The following RUNDC3A variants were observed in gnomAD, a reference collection of about 807,000 sequenced individuals.
The protein encoded by RUNDC3A is RUN domain-containing protein 3A.
Under a neutral mutation model 53.9 loss-of-function variants are expected in RUNDC3A, and 28 were observed. That is an observed-to-expected ratio of 0.52 (90% confidence interval 0.38 to 0.71). The LOEUF (loss-of-function observed/expected upper bound fraction) is 0.71, where lower values mean the gene tolerates loss of function less well. Among genes scored for constraint, RUNDC3A ranks in the 30% least tolerant of loss-of-function variants. The pLI, the probability that RUNDC3A is intolerant of heterozygous loss-of-function variation, is 0.00. For missense variants in RUNDC3A, 491 were observed against 597.3 expected, an observed-to-expected ratio of 0.82 and a Z score of 1.85; for synonymous variants, 232 against 249.4, an observed-to-expected ratio of 0.93 and a Z score of 0.66.
chr17:44,317,376 C>T lies in RUNDC3A; in HGVS notation c.1198+651C>T, dbSNP rs1236121839. On this transcript the variant is annotated intron_variant, in intron 10 of 10. Coordinates refer to ENST00000426726, the MANE Select transcript of RUNDC3A (RefSeq NM_001144825.2). ...TGGTTTTTTAGTGTCATGACATCCTCGGGGGCTCACAAACTCTCGGGGAAC... is the reference window on the plus strand; with the variant it reads ...TGGTTTTTTAGTGTCATGACATCCTTGGGGGCTCACAAACTCTCGGGGAAC... 51 of 757,246 alleles carry T rather than the reference C, an allele frequency of 6.7e-5. 1 individual carries two copies. The highest frequency in any genetic ancestry group is 5.8e-4 in the Admixed American group (32 of 55,404). 46.9% of individuals were successfully genotyped at this position (757,246 alleles called of 1,614,324 possible). A position where few individuals can be genotyped will look rare whatever the true frequency, so the allele number is the denominator to read the frequency against.
At chr17:44,310,940 C>T (rs762233504) in intron 1 of RUNDC3A, 25 of 985,544 alleles carry the variant, frequency 2.5e-5, no homozygotes, top group Middle Eastern at 1.0e-3. Context: ...CCGCTCCTCA[C>T]CATCCCTGCC....
At chr17:44,314,395 G>T in intron 4 of RUNDC3A, 1 of 1,146,200 alleles carries the variant, frequency 8.7e-7, no homozygotes, top group Non-Finnish European at 1.1e-6. Flanking sequence ...CAGTCTACAC[G>T]TTTCAAGTTA....
chr17:44,309,016 C>A (rs1470527692), intron 1 of RUNDC3A, 77 bp downstream of exon 1: 1 of 994,966 alleles, frequency 1.0e-6, no homozygotes, highest in Non-Finnish European at 1.5e-6. Context: ...CCGGACTGAG[C>A]GCTGCCGCGG....
intron 1 of RUNDC3A, chr17:44,310,933 C>T (rs925520641): frequency 2.1e-4 from 206 of 985,486 alleles, no homozygotes; most frequent in Non-Finnish European, 2.3e-4. Context: ...CACGACCCCG[C>T]TCCTCACCAT....
chr17:44,315,375 A>C lies in RUNDC3A; in HGVS notation c.795+55A>C. The C allele has an allele frequency of 1.7e-6, 2 of 1,195,756 alleles. No homozygotes were observed. The highest frequency in any genetic ancestry group is 2.1e-6 in the Non-Finnish European group (2 of 951,290). 74.1% of individuals were successfully genotyped at this position (1,195,756 alleles called of 1,614,324 possible). A position where few individuals can be genotyped will look rare whatever the true frequency, so the allele number is the denominator to read the frequency against. ...GGCGGGCCGGGCGGGGGATCCGGGC[A>C]TCCCGGGGCGGGGCGGGGATGGGGG... On this transcript the variant is annotated intron_variant, in intron 7 of 10. Transcript: ENST00000426726. The surrounding 1 kb of genome is among the most constrained non-coding windows in gnomAD (Gnocchi z 6.1).
At chr17:44,314,679 G>GA (rs1414203483) in intron 4 of RUNDC3A, 56 bp from the exon 5 acceptor site, 6 of 1,308,512 alleles carry the variant, frequency 4.6e-6, no homozygotes, top group South Asian at 1.4e-5. Flanking sequence ...AGCTCTGGGG[G>GA]GGGGGGGGGC....
chr17:44,317,872 G>A (rs113221336), intron 10 of RUNDC3A: 48 of 593,488 alleles, frequency 8.1e-5, no homozygotes, highest in Middle Eastern at 4.0e-4. Flanking sequence ...TGACCCTCAC[G>A]GGGAGACAGA....
intron 10 of RUNDC3A, chr17:44,317,422 T>TATCTC (rs1052225443): frequency 1.4e-5 from 11 of 780,514 alleles, no homozygotes; most frequent in African/African-American, 1.4e-4. Context: ...AATTTGCTCT[T>TATCTC]ATCTCATGCA....
Position 44,308,653 on chromosome 17 carries a change from CA to C in RUNDC3A, c.-179del. 1 of 468,724 alleles carries C rather than the reference CA, an allele frequency of 2.1e-6. No individual in the cohort carries two copies. The highest frequency in any genetic ancestry group is 3.5e-5 in the East Asian group (1 of 28,774). The allele number at this position is 468,724 out of a possible 1,614,324, so 29.0% of individuals were successfully genotyped here. A position where few individuals can be genotyped will look rare whatever the true frequency, so the allele number is the denominator to read the frequency against. On this transcript the variant is annotated 5_prime_UTR_variant, in exon 1 of 11. Transcript: ENST00000426726. ...CCTCCCCGGCCTTGTTTTGCTCTGGCATCGCCGCCGGGGGAGGGAGCGAGGG... is the reference window on the plus strand; with the variant it reads ...CCTCCCCGGCCTTGTTTTGCTCTGGCTCGCCGCCGGGGGAGGGAGCGAGGG...
At chr17:44,314,849 T>C in intron 5 of RUNDC3A, 25 bp downstream of exon 5, 1 of 1,613,836 alleles carries the variant, frequency 6.2e-7, no homozygotes, top group Non-Finnish European at 8.5e-7. Context: ...ACGGCAGTGG[T>C]GGAGGGGGCT....
At chr17:44,312,962 G>T in intron 2 of RUNDC3A, 142 bp from the exon 3 acceptor site, 1 of 869,104 alleles carries the variant, frequency 1.2e-6, no homozygotes. Flanking sequence ...CGATATGCTG[G>T]GGTGCCCACT....
intron 10 of RUNDC3A, chr17:44,317,409 A>G (rs2144700224): frequency 1.0e-5 from 8 of 779,590 alleles, no homozygotes; most frequent in Non-Finnish European, 1.7e-5. Context: ...AACTCCTTAG[A>G]CTAATTTGCT....
rs772986760 is a variant in RUNDC3A, at chr17:44,315,029, C to A, written c.629+20C>A. The A allele has an allele frequency of 1.2e-6, 2 of 1,613,150 alleles. No individual in the cohort carries two copies. The highest frequency in any genetic ancestry group is 1.7e-6 in the Non-Finnish European group (2 of 1,179,680). ...GCAGAGGTGAGCGGCTCCATGACTG[C>A]GGCGGGGCGGGGGACGGGGCCTCGG... On this transcript the variant is annotated intron_variant, in intron 6 of 10. Transcript: ENST00000426726. The surrounding 1 kb of genome is among the most constrained non-coding windows in gnomAD (Gnocchi z 6.1).
Position 44,315,179 on chromosome 17 carries a change from G to A in RUNDC3A, c.654G>A (p.Glu218=), listed in dbSNP as rs2047833592. The A allele has an allele frequency of 1.9e-6, 3 of 1,565,146 alleles. No homozygotes were observed. In the East Asian group the frequency reaches 7.2e-5, roughly 37 times the overall value. ...TQSYDYLTDE[E]ERHSAESSTS... is the part of the protein sequence containing the mutation. The stretch of plus-strand genomic sequence containing the variant: ...GCTACGACTACCTGACGGACGAGGA[G>A]GAGCGGCACAGCGCCGAGAGCAGCA... Residue 218 remains glutamate (E), a synonymous_variant, in exon 7 of 11, where the codon GAG becomes GAA. Coordinates refer to ENST00000426726, the MANE Select transcript of RUNDC3A (RefSeq NM_001144825.2). This position sits in a 1 kb window ranked among gnomAD's most constrained non-coding sequence, Gnocchi z 6.1.
chr17:44,316,429 CCAAGGAGCTCACTACACCCCTGGTCAAT>C lies in RUNDC3A; in HGVS notation c.1002_1029del (p.Lys334AsnfsTer26). Reference sequence around the variant, plus strand: ...GACCACGCCCCTCTGGCCCAGGGTTCCAAGGAGCTCACTACACCCCTGGTCAATCAATGGCCCTCACTGGGAACGCTTA... The same window carrying C: ...GACCACGCCCCTCTGGCCCAGGGTTCCAATGGCCCTCACTGGGAACGCTTA... On this transcript the variant is annotated frameshift_variant, in exon 9 of 11. Transcript: ENST00000426726. LOFTEE classifies it high-confidence loss of function. 1 of 1,613,882 alleles carries C rather than the reference CCAAGGAGCTCACTACACCCCTGGTCAAT, an allele frequency of 6.2e-7. No homozygotes were observed. Among genetic ancestry groups the C allele is most frequent in the Non-Finnish European group, 8.5e-7 (1 of 1,179,852 alleles).
Position 44,315,015 on chromosome 17 carries a change from C to A in RUNDC3A, c.629+6C>A. 2 of 1,613,744 alleles carry A rather than the reference C, an allele frequency of 1.2e-6. No individual in the cohort carries two copies. Among genetic ancestry groups the A allele is most frequent in the Non-Finnish European group, 1.7e-6 (2 of 1,179,788 alleles). ...TACCTAAAGTTCACGCAGAGGTGAG[C>A]GGCTCCATGACTGCGGCGGGGCGGG... On this transcript the variant is annotated splice_donor_region_variant and intron_variant, in intron 6 of 10. Transcript: ENST00000426726. The surrounding 1 kb of genome is among the most constrained non-coding windows in gnomAD (Gnocchi z 6.1).
rs762248298 is a variant in RUNDC3A at position 44,314,880 on chromosome 17, A to AC, written c.549-45dup. 3 of 1,613,482 alleles carry AC rather than the reference A, an allele frequency of 1.9e-6. No homozygotes were observed. The African/African-American group carries it at 4.0e-5, about 22-fold the overall frequency. Reference sequence around the variant, plus strand: ...GGGCTGTTTCCCCCATAAATGTCCTACCCCAACCCCTCACACCCACCTCCA... The same window carrying AC: ...GGGCTGTTTCCCCCATAAATGTCCTACCCCCAACCCCTCACACCCACCTCCA... On this transcript the variant is annotated intron_variant, in intron 5 of 10. Transcript: ENST00000426726.
chr17:44,318,459 G>A lies in RUNDC3A; in HGVS notation c.*221G>A, dbSNP rs2047919916. On this transcript the variant is annotated 3_prime_UTR_variant, in exon 11 of 11. Transcript: ENST00000426726. Reference sequence around the variant, plus strand: ...TGGGCCAGGAGGCAGGGGTGCCCAAGCCACAGGGAGCCCCTGGGGAAGCCT... The same window carrying A: ...TGGGCCAGGAGGCAGGGGTGCCCAAACCACAGGGAGCCCCTGGGGAAGCCT... The A allele has an allele frequency of 1.8e-6, 1 of 561,552 alleles. No homozygotes were observed. Among genetic ancestry groups the A allele is most frequent in the Non-Finnish European group, 3.2e-6 (1 of 316,430 alleles). The allele number at this position is 561,552 out of a possible 1,614,324, so 34.8% of individuals were successfully genotyped here.
chr17:44,318,095 G>C lies in RUNDC3A; in HGVS notation c.1199-1G>C. 6.4e-7 allele frequency: 1 copy of C among 1,551,118 alleles called. No homozygotes were observed. The highest frequency in any genetic ancestry group is 8.7e-7 in the Non-Finnish European group (1 of 1,146,680). Reference sequence around the variant, plus strand: ...TGGCCTCACCTGCCCTCTCTCCCCAGGGAAGGACCCCACGCCCTCCATGCT... The same window carrying C: ...TGGCCTCACCTGCCCTCTCTCCCCACGGAAGGACCCCACGCCCTCCATGCT... On this transcript the variant is annotated splice_acceptor_variant, in intron 10 of 10. Transcript: ENST00000426726. LOFTEE classifies it high-confidence loss of function.
Sources: gnomAD v4.1 joint callset for allele counts on GRCh38, gnomAD v4.1.1 for gene constraint, Gnocchi (gnomAD v3.1) non-coding constraint, MANE v1.5 for transcripts, NCBI Gene and HGNC (gene_info 2026-07-23, HGNC 2026-07-21) for gene names.